RPS19: variants seen among roughly 807,000 people sequenced by gnomAD.
RPS19 encodes the protein small ribosomal subunit protein eS19.
RPS19 carries 1 observed loss-of-function variant against 20.3 expected under a neutral mutation model. The observed-to-expected ratio is 0.05, with a 90% CI of 0.02 to 0.23. The LOEUF is 0.23. RPS19 is among the 10% of genes least tolerant of loss of function. RPS19 has a pLI of 1.00. For missense variants in RPS19, 111 were observed against 192.7 expected (o/e 0.58, Z 2.51); for synonymous variants, 87 against 74.8 (o/e 1.16, Z -0.84).
Position 41,871,457 on chromosome 19 carries a change from C to T in RPS19, c.*80C>T, listed in dbSNP as rs2074148832. ...CTTTTTTGAGTCTCTTGCTCTGTCGCCCAGGCTGGAGTGCAGTGGCGCCAT... is the reference window on the plus strand; with the variant it reads ...CTTTTTTGAGTCTCTTGCTCTGTCGTCCAGGCTGGAGTGCAGTGGCGCCAT... On this transcript the variant is annotated 3_prime_UTR_variant, in exon 6 of 6. Coordinates refer to ENST00000598742, the MANE Select transcript of RPS19 (RefSeq NM_001022.4). The T allele has an allele frequency of 1.5e-6, 2 of 1,334,810 alleles. No individual in the cohort carries two copies. Among genetic ancestry groups the T allele is most frequent in the Admixed American group, 1.7e-5 (1 of 59,046 alleles). The allele number at this position is 1,334,810 out of a possible 1,614,324, so 82.7% of individuals were successfully genotyped here. A position where few individuals can be genotyped will look rare whatever the true frequency, so the allele number is the denominator to read the frequency against.
chr19:41,871,797 G>C lies in RPS19; in HGVS notation c.*420G>C, dbSNP rs560802614. On this transcript the variant is annotated 3_prime_UTR_variant, in exon 6 of 6. Transcript: ENST00000598742. Reference sequence around the variant, plus strand: ...CCTGTCTTTGCAATTGTCAGAAAGTGAGAAACGAAAGGATGGCTGTGAGCT... The same window carrying C: ...CCTGTCTTTGCAATTGTCAGAAAGTCAGAAACGAAAGGATGGCTGTGAGCT... 2.2e-5 allele frequency: 5 copies of C among 224,130 alleles called. No homozygotes were observed. In the South Asian group the frequency reaches 2.9e-4, roughly 13 times the overall value. The allele number at this position is 224,130 out of a possible 1,614,324, so 13.9% of individuals were successfully genotyped here. A position where few individuals can be genotyped will look rare whatever the true frequency, so the allele number is the denominator to read the frequency against.
Position 41,871,700 on chromosome 19 carries a change from T to C in RPS19, c.*323T>C. The C allele has an allele frequency of 2.6e-6, 1 of 378,604 alleles. No individual in the cohort carries two copies. Among genetic ancestry groups the C allele is most frequent in the South Asian group, 2.5e-5 (1 of 39,240 alleles). 23.5% of individuals were successfully genotyped at this position (378,604 alleles called of 1,614,324 possible). ...GTTTACCCGGCAGCCAGTCGGGCCTTCCCAGGTCAAACAGTTCCCATCTGG... is the reference window on the plus strand; with the variant it reads ...GTTTACCCGGCAGCCAGTCGGGCCTCCCCAGGTCAAACAGTTCCCATCTGG... On this transcript the variant is annotated 3_prime_UTR_variant, in exon 6 of 6. Coordinates refer to ENST00000598742, the MANE Select transcript of RPS19 (RefSeq NM_001022.4).
At chr19:41,861,490 C>T (rs1182811350) in intron 3 of RPS19, 5 of 463,158 alleles carry the variant, frequency 1.1e-5, no homozygotes, top group Non-Finnish European at 2.0e-5. Context: ...GTGGTTTAAT[C>T]CTTTCTATAT....
intron 3 of RPS19, chr19:41,861,442 A>G: frequency 3.5e-6 from 2 of 567,680 alleles, no homozygotes; most frequent in South Asian, 2.0e-5. Flanking sequence ...GCCTCAGGGG[A>G]AACCAGAGAC....
intron 3 of RPS19, chr19:41,864,956 G>A (rs1350731139): frequency 6.6e-6 from 1 of 152,200 alleles, no homozygotes; most frequent in Non-Finnish European, 1.5e-5. Flanking sequence ...AATTTGTGAA[G>A]TTAATAACCC....
At chr19:41,862,412 G>A (rs2074041449) in intron 3 of RPS19, among the ~76,000 whole-genome samples, 1 of 152,096 alleles carries the variant, frequency 6.6e-6, no homozygotes, top group African/African-American at 2.4e-5. Context: ...ACAGAAAATG[G>A]GGCGGATGAA....
At chr19:41,863,530 G>A (rs1555839762) in intron 3 of RPS19, among the ~76,000 whole-genome samples, 1 of 152,168 alleles carries the variant, frequency 6.6e-6, no homozygotes, top group Admixed American at 6.5e-5. Context: ...TCAGATTTGA[G>A]GCTAAAGTGT....
intron 3 of RPS19, among the ~76,000 whole-genome samples, chr19:41,867,241 G>T (rs2074100105): frequency 6.6e-6 from 1 of 151,850 alleles, no homozygotes; most frequent in Non-Finnish European, 1.5e-5. Flanking sequence ...ACTCCAGCCT[G>T]GGTGACAGAA....
chr19:41,864,643 G>C (rs1821122834), intron 3 of RPS19: 1 of 152,268 alleles, frequency 6.6e-6, no homozygotes, highest in South Asian at 2.1e-4. Flanking sequence ...GTGGAGAGGG[G>C]TGGCCTCCTT....
chr19:41,865,005 C>T (rs1314538012), intron 3 of RPS19: 1 of 152,174 alleles, frequency 6.6e-6, no homozygotes, highest in East Asian at 1.9e-4. Flanking sequence ...AAATAATTAG[C>T]ATGAACTGGG....
Position 41,871,943 on chromosome 19 carries a change from C to G in RPS19, c.*566C>G, listed in dbSNP as rs2074153363. 1 of 165,336 alleles carries G rather than the reference C, an allele frequency of 6.0e-6. No individual in the cohort carries two copies. Among genetic ancestry groups the G allele is most frequent in the African/African-American group, 2.4e-5 (1 of 41,614 alleles). 10.2% of individuals were successfully genotyped at this position (165,336 alleles called of 1,614,324 possible). Reference sequence around the variant, plus strand: ...ACAGACCACCAGGGAGCCTCCACCGCAAACTGACCTGTGCTGCCTACACAC... The same window carrying G: ...ACAGACCACCAGGGAGCCTCCACCGGAAACTGACCTGTGCTGCCTACACAC... On this transcript the variant is annotated 3_prime_UTR_variant, in exon 6 of 6. Coordinates refer to ENST00000598742, the MANE Select transcript of RPS19 (RefSeq NM_001022.4).
chr19:41,871,798 A>G lies in RPS19; in HGVS notation c.*421A>G. 1 of 222,354 alleles carries G rather than the reference A, an allele frequency of 4.5e-6. No homozygotes were observed. 13.8% of individuals were successfully genotyped at this position (222,354 alleles called of 1,614,324 possible). Reference sequence around the variant, plus strand: ...CTGTCTTTGCAATTGTCAGAAAGTGAGAAACGAAAGGATGGCTGTGAGCTG... The same window carrying G: ...CTGTCTTTGCAATTGTCAGAAAGTGGGAAACGAAAGGATGGCTGTGAGCTG... On this transcript the variant is annotated 3_prime_UTR_variant, in exon 6 of 6. Transcript: ENST00000598742.
At chr19:41,869,976 C>G (rs2074130102) in intron 5 of RPS19, among the ~76,000 whole-genome samples, 1 of 152,148 alleles carries the variant, frequency 6.6e-6, no homozygotes, top group African/African-American at 2.4e-5. Context: ...GCTGTGGTGT[C>G]TCACCCCTGT....
chr19:41,864,964 CCCTT>C (rs1416150356), intron 3 of RPS19: 1 of 152,192 alleles, frequency 6.6e-6, no homozygotes, highest in Non-Finnish European at 1.5e-5. Context: ...AAGTTAATAA[CCCTT>C]CCTCTCCCTT....
In RPS19 at chr19:41,871,441, G is replaced by C. The variant is rs2074148672; in HGVS notation, c.*64G>C. ...ATCCTGGTCTGGGTCTCTTTTTTGAGTCTCTTGCTCTGTCGCCCAGGCTGG... is the reference window on the plus strand; with the variant it reads ...ATCCTGGTCTGGGTCTCTTTTTTGACTCTCTTGCTCTGTCGCCCAGGCTGG... On this transcript the variant is annotated 3_prime_UTR_variant, in exon 6 of 6. Transcript: ENST00000598742. 1 of 1,459,640 alleles carries C rather than the reference G, an allele frequency of 6.9e-7. No individual in the cohort carries two copies. Among genetic ancestry groups the C allele is most frequent in the Non-Finnish European group, 9.6e-7 (1 of 1,041,410 alleles). 90.4% of individuals were successfully genotyped at this position (1,459,640 alleles called of 1,614,324 possible). A position where few individuals can be genotyped will look rare whatever the true frequency, so the allele number is the denominator to read the frequency against.
intron 4 of RPS19, among the ~76,000 whole-genome samples, chr19:41,869,441 T>C (rs1555841440): frequency 6.6e-6 from 1 of 152,214 alleles, no homozygotes; most frequent in Non-Finnish European, 1.5e-5. Context: ...CTGCTTTCAT[T>C]AGCCTGCTCG....
At chr19:41,868,169 A>C (rs1555841095) in intron 3 of RPS19, among the ~76,000 whole-genome samples, 1 of 152,210 alleles carries the variant, frequency 6.6e-6, no homozygotes, top group East Asian at 1.9e-4. Context: ...CTCTGCTCTG[A>C]GCTCCAGAGC....
Position 41,871,436 on chromosome 19 carries a change from T to A in RPS19, c.*59T>A. On this transcript the variant is annotated 3_prime_UTR_variant, in exon 6 of 6. Transcript: ENST00000598742. The stretch of plus-strand genomic sequence containing the variant: ...TCGTAATCCTGGTCTGGGTCTCTTT[T>A]TTGAGTCTCTTGCTCTGTCGCCCAG... The A allele has an allele frequency of 6.8e-7, 1 of 1,475,628 alleles. No homozygotes were observed. The highest frequency in any genetic ancestry group is 1.1e-5 in the South Asian group (1 of 88,094). 91.4% of individuals were successfully genotyped at this position (1,475,628 alleles called of 1,614,324 possible). A position where few individuals can be genotyped will look rare whatever the true frequency, so the allele number is the denominator to read the frequency against.
Position 41,871,359 on chromosome 19 carries a change from T to C in RPS19, c.420T>C (p.Ala140=). 6 of 1,614,068 alleles carry C rather than the reference T, an allele frequency of 3.7e-6. No individual in the cohort carries two copies. The highest frequency in any genetic ancestry group is 4.2e-6 in the Non-Finnish European group (5 of 1,179,932). ...TCCATCTTTTCCCACAGGTGGCAGC[T>C]GCCAACAAGAAGCATTAGAACAAAC... ...DLDRIAGQVA[A]ANKKH The change falls in exon 6 of 6, where the codon GCT becomes GCC. Residue 140 remains alanine (A), a synonymous_variant. Transcript: ENST00000598742.
Sources: gnomAD v4.1 joint callset for allele counts (sites outside exome capture counted in the v4.1 genomes callset) on GRCh38, gnomAD v4.1.1 for gene constraint, MANE v1.5 for transcripts, NCBI Gene and HGNC (gene_info 2026-07-23, HGNC 2026-07-21) for gene names.